SMIM36: variants seen among roughly 807,000 people sequenced by gnomAD.
The protein encoded by SMIM36 is small integral membrane protein 36.
At chr17:55,481,385 C>A (rs775185408) in intron 1 of SMIM36, among the ~76,000 whole-genome samples, 3 of 152,018 alleles carry the variant, frequency 2.0e-5, no homozygotes, top group Non-Finnish European at 4.4e-5. Flanking sequence ...AATAACCAGG[C>A]AGAAGAAAAA....
chr17:55,452,296 C>G (rs1348235981), intron 4 of SMIM36, among the ~76,000 whole-genome samples: 1 of 152,108 alleles, frequency 6.6e-6, no homozygotes, highest in Non-Finnish European at 1.5e-5. Flanking sequence ...ACAGCTGAAT[C>G]CAGTTAAATC....
At chr17:55,501,668 T>C (rs1399128353) in intron 1 of SMIM36, among the ~76,000 whole-genome samples, 1 of 145,302 alleles carries the variant, frequency 6.9e-6, no homozygotes, top group Non-Finnish European at 1.5e-5. Flanking sequence ...ATATATAATA[T>C]ATATATTTTA....
intron 1 of SMIM36, among the ~76,000 whole-genome samples, chr17:55,480,552 T>C (rs1909502347): frequency 6.6e-6 from 1 of 152,222 alleles, no homozygotes; most frequent in African/African-American, 2.4e-5. Context: ...TTTGGGGGGA[T>C]GCATTGACTT....
At chr17:55,508,662 C>T (rs1413462753) in intron 1 of SMIM36, among the ~76,000 whole-genome samples, 1 of 151,482 alleles carries the variant, frequency 6.6e-6, no homozygotes. Flanking sequence ...GTGGCTCACG[C>T]CTGTAAACCC....
intron 1 of SMIM36, among the ~76,000 whole-genome samples, chr17:55,485,466 T>A (rs915005512): frequency 1.3e-5 from 2 of 150,904 alleles, no homozygotes; most frequent in African/African-American, 4.9e-5. Context: ...TTTTTTTTTT[T>A]CCTGTACAGA....
chr17:55,460,452 C>CA lies in SMIM36; in HGVS notation c.*531+6692dup, dbSNP rs1370109853. 4.3e-4 allele frequency among the ~76,000 whole-genome samples: 64 copies of CA among 148,164 alleles called. No individual in the cohort carries two copies. The Middle Eastern group carries it at 0.017, about 40-fold the overall frequency. ...TGGAAACAAAAAACAAAAAACAAAACAAAAAAAAAGAACAACAACAACAAA... is the reference window on the plus strand; with the variant it reads ...TGGAAACAAAAAACAAAAAACAAAACAAAAAAAAAAGAACAACAACAACAAA... On this transcript the variant is annotated intron_variant, in intron 4 of 4. Transcript: ENST00000636752.
At chr17:55,520,748 G>T in the SMIM36 span, among the ~76,000 whole-genome samples, 1 of 152,204 alleles carries the variant, frequency 6.6e-6, no homozygotes, top group East Asian at 1.9e-4. Flanking sequence ...ATTGTGTTTG[G>T]CAGAGGTTCA....
At chr17:55,504,190 C>T (rs1206328733) in intron 1 of SMIM36, among the ~76,000 whole-genome samples, 1 of 99,784 alleles carries the variant, frequency 1.0e-5, no homozygotes, top group Non-Finnish European at 1.9e-5. Context: ...AACAAGGATA[C>T]CCAGGAATTG....
upstream of SMIM36, chr17:55,511,536 C>T: frequency 2.9e-6 from 1 of 346,164 alleles, no homozygotes. Context: ...ACCACAGCCA[C>T]CAAAACACAG....
At chr17:55,523,691 A>T in the SMIM36 span, among the ~76,000 whole-genome samples, 1 of 152,148 alleles carries the variant, frequency 6.6e-6, no homozygotes, top group Non-Finnish European at 1.5e-5. Flanking sequence ...TGTTTAGGGC[A>T]CCTAATATCT....
intron 3 of SMIM36, among the ~76,000 whole-genome samples, chr17:55,478,014 G>A (rs1331429146): frequency 6.6e-6 from 1 of 152,012 alleles, no homozygotes; most frequent in African/African-American, 2.4e-5. Context: ...GGGCAACATG[G>A]TGAGATCCTG....
chr17:55,464,695 A>G (rs1358971168), intron 4 of SMIM36, among the ~76,000 whole-genome samples: 2 of 152,198 alleles, frequency 1.3e-5, no homozygotes, highest in Non-Finnish European at 2.9e-5. Flanking sequence ...ACATAGTCAC[A>G]AAGTAACAAT....
chr17:55,499,114 T>C (rs1285608025), intron 1 of SMIM36, among the ~76,000 whole-genome samples: 1 of 152,070 alleles, frequency 6.6e-6, no homozygotes, highest in African/African-American at 2.4e-5. Context: ...AGTTCAGGCT[T>C]AGTCCAACTC....
At chr17:55,491,502 A>G (rs1909706240) in intron 1 of SMIM36, among the ~76,000 whole-genome samples, 1 of 152,080 alleles carries the variant, frequency 6.6e-6, no homozygotes, top group African/African-American at 2.4e-5. Context: ...TTTTACTGGA[A>G]CCCTGATTTT....
intron 4 of SMIM36, among the ~76,000 whole-genome samples, chr17:55,457,823 C>A (rs1909055955): frequency 6.6e-6 from 1 of 152,008 alleles, no homozygotes; most frequent in Non-Finnish European, 1.5e-5. Flanking sequence ...ACCGCGCCGG[C>A]CTTTTGTTAA....
At chr17:55,484,870 G>A (rs1009862249) in intron 1 of SMIM36, among the ~76,000 whole-genome samples, 3 of 152,194 alleles carry the variant, frequency 2.0e-5, no homozygotes, top group African/African-American at 7.2e-5. Context: ...ATGGCATGAG[G>A]CAAAGGCAAG....
At chr17:55,469,023 C>T (rs573899381) in intron 3 of SMIM36, among the ~76,000 whole-genome samples, 1 of 152,076 alleles carries the variant, frequency 6.6e-6, no homozygotes, top group Non-Finnish European at 1.5e-5. Flanking sequence ...CAATGAGACT[C>T]GTCCCAAATC....
chr17:55,497,761 T>A (rs1262297369), intron 1 of SMIM36, among the ~76,000 whole-genome samples: 1 of 152,136 alleles, frequency 6.6e-6, no homozygotes, highest in Non-Finnish European at 1.5e-5. Context: ...TTGTGCAGCA[T>A]CGATTTCCTA....
chr17:55,451,398 C>G (rs1254032054), intron 4 of SMIM36, among the ~76,000 whole-genome samples: 3 of 152,204 alleles, frequency 2.0e-5, no homozygotes, highest in Non-Finnish European at 4.4e-5. Context: ...TGCACTTGCT[C>G]TTGTCTGCCT....
Sources: gnomAD v4.1 joint callset for allele counts (sites outside exome capture counted in the v4.1 genomes callset) on GRCh38, gnomAD v4.1.1 for gene constraint, MANE v1.5 for transcripts, NCBI Gene and HGNC (gene_info 2026-07-23, HGNC 2026-07-21) for gene names.